MASP1: variants seen among roughly 807,000 people sequenced by gnomAD.
MASP1 encodes the protein mannan-binding lectin serine protease 1.
In MASP1, 59 loss-of-function variants were observed where a neutral mutation model predicts 77.1. The ratio of observed to expected loss-of-function variants is 0.77; its 90% CI spans 0.62 to 0.95. The LOEUF (loss-of-function observed/expected upper bound fraction) is 0.95, where lower values mean the gene tolerates loss of function less well. MASP1 is among the 40% of genes least tolerant of loss of function. MASP1 has a pLI of 0.00. For synonymous variants in MASP1, 362 were observed against 354.5 expected, an observed-to-expected ratio of 1.02 and a Z score of -0.24; for missense variants, 885 against 912.9, an observed-to-expected ratio of 0.97 and a Z score of 0.39.
intron 2 of MASP1, among the ~76,000 whole-genome samples, chr3:187,272,682 C>T (rs1560029144): frequency 6.6e-6 from 1 of 152,094 alleles, no homozygotes. Flanking sequence ...GGCCCGCCTA[C>T]AACTGCCTAT....
chr3:187,269,875 C>A (rs1017365148), intron 2 of MASP1, among the ~76,000 whole-genome samples: 3 of 152,074 alleles, frequency 2.0e-5, no homozygotes, highest in Non-Finnish European at 4.4e-5. Flanking sequence ...AAGAGCTATA[C>A]CTTTGTGTGT....
At position 187,258,614 on chromosome 3, in the gene MASP1, G is replaced by A. The variant is rs149447231; in HGVS notation, c.548-1754C>T. Among the ~76,000 whole-genome samples, 184 of 152,180 alleles carry A rather than the reference G, an allele frequency of 1.2e-3. 2 individuals carry two copies. Among genetic ancestry groups the A allele is most frequent in the African/African-American group, 4.1e-3 (171 of 41,512 alleles). The stretch of plus-strand genomic sequence containing the variant: ...GTGGTGCTTCCCAGACTATGAGGAC[G>A]GCCACCTGCTGTAACCCTTCATAAG... On this transcript the variant is annotated intron_variant, in intron 4 of 10. Coordinates refer to ENST00000296280, the MANE Select transcript of MASP1 (RefSeq NM_139125.4).
At chr3:187,250,848 C>T (rs1023619931) in intron 7 of MASP1, among the ~76,000 whole-genome samples, 1 of 152,248 alleles carries the variant, frequency 6.6e-6, no homozygotes, top group African/African-American at 2.4e-5. Flanking sequence ...CCCAAAAAGT[C>T]TGCTTTAACT....
intron 8 of MASP1, 77 bp downstream of exon 8, chr3:187,250,174 C>A: frequency 8.4e-7 from 1 of 1,189,512 alleles, no homozygotes; most frequent in Non-Finnish European, 1.3e-6. Context: ...CAAGCTTTCA[C>A]CCTTGCATGC....
intron 2 of MASP1, among the ~76,000 whole-genome samples, chr3:187,282,536 G>T (rs1717518796): frequency 6.9e-6 from 1 of 144,156 alleles, no homozygotes; most frequent in Non-Finnish European, 1.5e-5. Context: ...ACGTGTACTG[G>T]GGAGAATATA....
intron 4 of MASP1, among the ~76,000 whole-genome samples, chr3:187,259,713 G>A (rs1715395891): frequency 2.0e-5 from 3 of 152,122 alleles, no homozygotes; most frequent in Admixed American, 2.0e-4. Context: ...TTTGGTTTTG[G>A]ATTGCTTTAT....
intron 2 of MASP1, among the ~76,000 whole-genome samples, chr3:187,265,717 T>C (rs1271869438): frequency 6.6e-6 from 1 of 152,142 alleles, no homozygotes; most frequent in Non-Finnish European, 1.5e-5. Context: ...ACATGAACAT[T>C]TTCTGATATC....
chr3:187,250,043 C>T (rs1714427321), intron 8 of MASP1, among the ~76,000 whole-genome samples: 1 of 152,210 alleles, frequency 6.6e-6, no homozygotes, highest in African/African-American at 2.4e-5. Flanking sequence ...ACTGGGCCCA[C>T]AAGAAGTTTC....
intron 2 of MASP1, among the ~76,000 whole-genome samples, chr3:187,280,722 A>G (rs1437067175): frequency 1.3e-5 from 2 of 152,236 alleles, no homozygotes; most frequent in Non-Finnish European, 2.9e-5. Flanking sequence ...CATTCACAAG[A>G]TGGGACTTTG....
chr3:187,224,643 G>A (rs1037027929), intron 13 of MASP1, among the ~76,000 whole-genome samples: 6 of 152,204 alleles, frequency 3.9e-5, no homozygotes, highest in African/African-American at 1.2e-4. Context: ...ACCGCGCCCG[G>A]CCTGTGCTGA....
chr3:187,236,657 A>G (rs1007443568), intron 10 of MASP1, 90 bp from the exon 11 acceptor site: 8 of 1,609,814 alleles, frequency 5.0e-6, no homozygotes, highest in Non-Finnish European at 6.8e-6. Flanking sequence ...TTCACATTTC[A>G]CCCACTATAG....
intron 10 of MASP1, among the ~76,000 whole-genome samples, chr3:187,240,406 C>A (rs1411192648): frequency 6.6e-6 from 1 of 152,096 alleles, no homozygotes; most frequent in East Asian, 1.9e-4. Flanking sequence ...TTAGACAAGG[C>A]ATTTAATTTT....
intron 10 of MASP1, among the ~76,000 whole-genome samples, chr3:187,238,137 A>C (rs1713325165): frequency 6.6e-6 from 1 of 152,202 alleles, no homozygotes; most frequent in Non-Finnish European, 1.5e-5. Context: ...CTAATCTGGT[A>C]AGGGACACGT....
intron 8 of MASP1, among the ~76,000 whole-genome samples, chr3:187,245,748 T>A (rs189836041): frequency 6.6e-6 from 1 of 152,308 alleles, no homozygotes; most frequent in Admixed American, 6.5e-5. Context: ...TTCTCTAAAG[T>A]CCTGTCTGGC....
intron 1 of MASP1, among the ~76,000 whole-genome samples, chr3:187,290,204 A>T (rs1270715821): frequency 6.6e-6 from 1 of 152,196 alleles, no homozygotes; most frequent in African/African-American, 2.4e-5. Flanking sequence ...CAAGGGACAG[A>T]AACAGAACAA....
intron 5 of MASP1, among the ~76,000 whole-genome samples, chr3:187,254,007 T>TA (rs11370015): frequency 0.76 from 114,905 of 151,072 alleles, 43,945 homozygotes; most frequent in African/African-American, 0.84. Context: ...AAAGTAAAAT[T>TA]AAAAAAAAAT....
At chr3:187,224,420 C>T (rs1303807568) in intron 13 of MASP1, among the ~76,000 whole-genome samples, 1 of 146,760 alleles carries the variant, frequency 6.8e-6, no homozygotes, top group African/African-American at 2.5e-5. Context: ...GATCTCGGCT[C>T]ACTGCAAGCT....
chr3:187,248,718 T>C (rs1311444579), intron 8 of MASP1, among the ~76,000 whole-genome samples: 2 of 152,200 alleles, frequency 1.3e-5, no homozygotes, highest in African/African-American at 4.8e-5. Flanking sequence ...GACTTCCCTA[T>C]GGAACTCTGT....
chr3:187,218,140 C>T (rs1034552696), exon 16 of MASP1: 9 of 152,274 alleles, frequency 5.9e-5, no homozygotes, highest in Non-Finnish European at 1.2e-4. Flanking sequence ...CCCCCAAAAC[C>T]TTCATACCAG....
Sources: allele counts gnomAD v4.1 joint callset (sites outside exome capture counted in the v4.1 genomes callset), GRCh38; gene constraint gnomAD v4.1.1; transcripts MANE v1.5; gene names NCBI Gene and HGNC (gene_info 2026-07-23, HGNC 2026-07-21).